The following BRINP1 variants were observed in gnomAD, a reference collection of about 807,000 sequenced individuals.
BRINP1 encodes BMP/retinoic acid inducible neural specific 1.
A neutral mutation model predicts 72.9 loss-of-function variants in BRINP1; 17 were observed. The ratio of observed to expected loss-of-function variants is 0.23; its 90% CI spans 0.16 to 0.35. The LOEUF (loss-of-function observed/expected upper bound fraction) is 0.35. Ranked by LOEUF, BRINP1 falls within the 10% of genes least tolerant of loss-of-function variation. The probability of loss-of-function intolerance (pLI) is 1.00; values close to 1 mark genes in which losing one functional copy is unlikely to be tolerated. For missense variants in BRINP1, 850 were observed against 1,001.6 expected, an observed-to-expected ratio of 0.85 and a Z score of 2.04; for synonymous variants, 418 against 378.5, an observed-to-expected ratio of 1.10 and a Z score of -1.21.
intron 7 of BRINP1, 58 bp from the exon 8 acceptor site, chr9:119,168,282 C>T (rs1829345807): frequency 7.3e-7 from 1 of 1,361,886 alleles, no homozygotes; most frequent in Non-Finnish European, 9.7e-7. Flanking sequence ...CTGTGAGTTA[C>T]AGTTATCCAA....
At chr9:119,233,517 T>C (rs1197315244) in intron 5 of BRINP1, among the ~76,000 whole-genome samples, 1 of 152,224 alleles carries the variant, frequency 6.6e-6, no homozygotes, top group East Asian at 1.9e-4. Context: ...CCTCAGTTCA[T>C]GCAGCCTGTC....
At chr9:119,281,271 T>A (rs139174020) in intron 2 of BRINP1, among the ~76,000 whole-genome samples, 3 of 152,160 alleles carry the variant, frequency 2.0e-5, no homozygotes, top group African/African-American at 7.2e-5. Context: ...AGCTCTTCAT[T>A]TGTCATTTGG....
Position 119,313,252 on chromosome 9 carries a change from G to A in BRINP1, c.104C>T (p.Ser35Phe), listed in dbSNP as rs1350571464. 8 of 1,614,120 alleles carry A rather than the reference G, an allele frequency of 5.0e-6. No homozygotes were observed. The East Asian group carries it at 1.3e-4, about 27-fold the overall frequency. Residue 35 changes from serine to phenylalanine, a missense_variant, in exon 2 of 8, where the codon TCC becomes TTC. Transcript: ENST00000265922. ...QEPAGTDQHV[S>F]KEFDWLISDR... is the part of the protein sequence containing the mutation. ...TGAAATGAGCCAATCAAATTCCTTG[G>A]AGACATGTTGGTCTGTCCCAGCTGG...
At chr9:119,307,055 G>A (rs187305262) in intron 2 of BRINP1, among the ~76,000 whole-genome samples, 141 of 151,626 alleles carry the variant, frequency 9.3e-4, no homozygotes, top group African/African-American at 1.2e-3. Flanking sequence ...ACAACTGAAA[G>A]TATGTTGGAT....
intron 2 of BRINP1, among the ~76,000 whole-genome samples, chr9:119,286,436 A>G (rs934476872): frequency 2.0e-5 from 3 of 152,058 alleles, no homozygotes; most frequent in East Asian, 1.9e-4. Flanking sequence ...GGGTTTCACC[A>G]TGTTAGCCAG....
chr9:119,180,479 ATGTGTGTGTGTGTGTGTGTGTG>A (rs112009324), intron 7 of BRINP1, among the ~76,000 whole-genome samples: 1 of 132,222 alleles, frequency 7.6e-6, no homozygotes, highest in Admixed American at 7.3e-5. Flanking sequence ...CTCTCTGTGC[ATGTGTGTGTGTGTGTGTGTGTG>A]TGTGTGTGTG....
At chr9:119,268,405 C>G (rs1830576038) in intron 2 of BRINP1, among the ~76,000 whole-genome samples, 1 of 152,152 alleles carries the variant, frequency 6.6e-6, no homozygotes, top group African/African-American at 2.4e-5. Flanking sequence ...TAATTGATCT[C>G]TATCCAAAGT....
chr9:119,275,365 A>C (rs923209153), intron 2 of BRINP1, among the ~76,000 whole-genome samples: 9 of 152,154 alleles, frequency 5.9e-5, no homozygotes, highest in African/African-American at 2.2e-4. Context: ...ATGAACTTGC[A>C]CTTTTAAGGG....
chr9:119,213,191 G>A (rs186853328), intron 6 of BRINP1, among the ~76,000 whole-genome samples: 95 of 152,160 alleles, frequency 6.2e-4, no homozygotes, highest in African/African-American at 2.3e-3. Context: ...ACTCTACATC[G>A]TTTGTTCACA....
chr9:119,342,057 C>T (rs1377357971), intron 1 of BRINP1, among the ~76,000 whole-genome samples: 6 of 151,192 alleles, frequency 4.0e-5, no homozygotes, highest in Non-Finnish European at 7.4e-5. Context: ...CATGAGCCAC[C>T]GCACCCAGCC....
chr9:119,303,901 A>T, intron 2 of BRINP1, among the ~76,000 whole-genome samples: 2 of 146,406 alleles, frequency 1.4e-5, no homozygotes, highest in African/African-American at 2.5e-5. Context: ...TAATTTTGAG[A>T]CAGAGTCTCA....
chr9:119,333,245 G>C (rs1471237860), intron 1 of BRINP1, among the ~76,000 whole-genome samples: 1 of 151,794 alleles, frequency 6.6e-6, no homozygotes, highest in East Asian at 1.9e-4. Flanking sequence ...TGGATTTTCT[G>C]AGCTCAGGAA....
At chr9:119,215,138 C>T (rs766933762) in intron 5 of BRINP1, among the ~76,000 whole-genome samples, 1 of 152,164 alleles carries the variant, frequency 6.6e-6, no homozygotes, top group Admixed American at 6.5e-5. Context: ...TTAATTTTCT[C>T]TTCTTTGCTC....
At chr9:119,250,813 C>G (rs796522755) in intron 2 of BRINP1, among the ~76,000 whole-genome samples, 16 of 152,226 alleles carry the variant, frequency 1.1e-4, no homozygotes, top group African/African-American at 3.9e-4. Context: ...CTCTCGGTCC[C>G]TTGAGGAAAA....
intron 2 of BRINP1, among the ~76,000 whole-genome samples, chr9:119,268,879 T>G (rs1588184865): frequency 6.6e-6 from 1 of 152,196 alleles, no homozygotes; most frequent in East Asian, 1.9e-4. Flanking sequence ...AAATACTTCT[T>G]GTATGGAAAC....
chr9:119,342,096 G>A (rs961991532), intron 1 of BRINP1, among the ~76,000 whole-genome samples: 2 of 147,590 alleles, frequency 1.4e-5, no homozygotes, highest in Non-Finnish European at 2.9e-5. Flanking sequence ...AAAGAAGTCA[G>A]TTATAAAGAT....
At chr9:119,329,444 A>C (rs1237529142) in intron 1 of BRINP1, among the ~76,000 whole-genome samples, 1 of 152,242 alleles carries the variant, frequency 6.6e-6, no homozygotes, top group Non-Finnish European at 1.5e-5. Context: ...TGACAATCAT[A>C]GAATCCAAGA....
intron 1 of BRINP1, among the ~76,000 whole-genome samples, chr9:119,356,343 C>G (rs77239352): frequency 0.11 from 16,163 of 152,248 alleles, 1,157 homozygotes; most frequent in Middle Eastern, 0.15. Flanking sequence ...TCCTTTTTCT[C>G]TATCACACTT....
At chr9:119,325,535 A>T (rs753949602) in intron 1 of BRINP1, among the ~76,000 whole-genome samples, 3 of 151,648 alleles carry the variant, frequency 2.0e-5, no homozygotes. Flanking sequence ...GCAATCTTAC[A>T]CTCTTCCCTT....
Sources: allele counts gnomAD v4.1 joint callset (sites outside exome capture counted in the v4.1 genomes callset), GRCh38; gene constraint gnomAD v4.1.1; transcripts MANE v1.5; gene names NCBI Gene and HGNC (gene_info 2026-07-23, HGNC 2026-07-21).